The following KHDRBS3 variants were observed in gnomAD, a reference collection of about 807,000 sequenced individuals.
The protein encoded by KHDRBS3 is KH domain-containing, RNA-binding, signal transduction-associated protein 3.
KHDRBS3 carries 23 observed loss-of-function variants against 45.6 expected under a neutral mutation model. The observed-to-expected ratio is 0.50, with a 90% confidence interval of 0.36 to 0.72. The LOEUF is 0.72. Among genes scored for constraint, KHDRBS3 ranks in the 30% least tolerant of loss-of-function variants. The probability of loss-of-function intolerance (pLI) is 0.00; values close to 1 mark genes in which losing one functional copy is unlikely to be tolerated. For synonymous variants in KHDRBS3, 162 were observed against 156.5 expected (o/e 1.04, Z -0.26); for missense variants, 352 against 424.8 (o/e 0.83, Z 1.51).
At position 135,543,623 on chromosome 8, in the gene KHDRBS3, C is replaced by T. The variant is rs577733088; in HGVS notation, c.324+853C>T. ...TATTCAGCTGCTACTGTGAGTCAGG[C>T]GCTGTGTGAAACATGTTACATGCAT... On this transcript the variant is annotated intron_variant, in intron 3 of 8. Coordinates refer to ENST00000355849, the MANE Select transcript of KHDRBS3 (RefSeq NM_006558.3). 2.2e-4 allele frequency among the ~76,000 whole-genome samples: 34 copies of T among 152,170 alleles called. No homozygotes were observed. The South Asian group carries it at 6.4e-3, about 29-fold the overall frequency.
intron 1 of KHDRBS3, among the ~76,000 whole-genome samples, chr8:135,460,572 T>C (rs78582858): frequency 6.6e-6 from 1 of 152,212 alleles, no homozygotes; most frequent in Middle Eastern, 3.2e-3. Flanking sequence ...TACTTCTCAC[T>C]TGCTAACTTC....
chr8:135,552,431 G>T (rs1195120703), intron 4 of KHDRBS3, among the ~76,000 whole-genome samples: 2 of 152,088 alleles, frequency 1.3e-5, no homozygotes, highest in African/African-American at 4.8e-5. Context: ...TTGGCAATAC[G>T]CTTTTTAAAT....
intron 1 of KHDRBS3, among the ~76,000 whole-genome samples, chr8:135,490,547 G>A (rs1252992019): frequency 6.6e-6 from 1 of 152,166 alleles, no homozygotes; most frequent in African/African-American, 2.4e-5. Context: ...AGTGTGGACA[G>A]TTGGTTATCA....
At chr8:135,634,075 C>T (rs1830712382) in intron 7 of KHDRBS3, among the ~76,000 whole-genome samples, 2 of 152,178 alleles carry the variant, frequency 1.3e-5, no homozygotes, top group Non-Finnish European at 2.9e-5. Context: ...GACTCAGTTA[C>T]ATGTGTATAC....
At chr8:135,537,075 T>C (rs910725968) in intron 2 of KHDRBS3, among the ~76,000 whole-genome samples, 1 of 150,498 alleles carries the variant, frequency 6.6e-6, no homozygotes, top group Admixed American at 6.6e-5. Flanking sequence ...TCTCTATTCA[T>C]GTTGGAGAGA....
intron 7 of KHDRBS3, among the ~76,000 whole-genome samples, chr8:135,619,615 A>G (rs1010853781): frequency 3.9e-5 from 6 of 152,366 alleles, no homozygotes; most frequent in African/African-American, 1.2e-4. Flanking sequence ...AATGGAAAGC[A>G]TGTCATATAT....
At chr8:135,569,284 A>G (rs904414756) in intron 5 of KHDRBS3, among the ~76,000 whole-genome samples, 5 of 152,202 alleles carry the variant, frequency 3.3e-5, no homozygotes, top group Non-Finnish European at 5.9e-5. Flanking sequence ...TGAAATGAAG[A>G]TTTAGAATCA....
rs932857526 is a variant in KHDRBS3 at position 135,588,365 on chromosome 8, C to T, written c.807+6292C>T. Among the ~76,000 whole-genome samples, 7 of 152,234 alleles carry T rather than the reference C, an allele frequency of 4.6e-5. No individual in the cohort carries two copies. In the East Asian group the frequency reaches 1.2e-3, roughly 25 times the overall value. Reference sequence around the variant, plus strand: ...CACACCCTCTCCAGGCAGCCACCCTCGCGCGGCACCTCTGTGTCCTCACCC... The same window carrying T: ...CACACCCTCTCCAGGCAGCCACCCTTGCGCGGCACCTCTGTGTCCTCACCC... On this transcript the variant is annotated intron_variant, in intron 6 of 8. Transcript: ENST00000355849.
At chr8:135,574,842 T>C (rs1423183638) in intron 5 of KHDRBS3, among the ~76,000 whole-genome samples, 2 of 152,206 alleles carry the variant, frequency 1.3e-5, no homozygotes, top group Non-Finnish European at 2.9e-5. Flanking sequence ...AACTGTTGAT[T>C]TTTATTGAGT....
intron 4 of KHDRBS3, among the ~76,000 whole-genome samples, chr8:135,555,749 T>C (rs1341108751): frequency 6.6e-6 from 1 of 152,190 alleles, no homozygotes; most frequent in Non-Finnish European, 1.5e-5. Context: ...AAAATTTGTT[T>C]TTTATTATAC....
At chr8:135,458,113 C>A in intron 1 of KHDRBS3, 159 bp downstream of exon 1, 1 of 1,388,528 alleles carries the variant, frequency 7.2e-7, no homozygotes. Context: ...ACCTGGGAGG[C>A]TGTGGGACAC....
At position 135,581,984 on chromosome 8, in the gene KHDRBS3, G is replaced by T; in HGVS notation, c.718G>T (p.Gly240Ter). ...STRGPVSRGRGLLTPRARGVP... is the reference protein window; with the variant it reads ...STRGPVSRGR The stretch of plus-strand genomic sequence containing the variant: ...CCGAGGGCCAGTGAGTCGGGGAAGA[G>T]GACTTCTCACTCCCAGAGCAAGAGG... Residue 240 changes from glycine (G) to a stop codon, truncating the protein, a stop_gained, in exon 6 of 9, where the codon GGA becomes TGA. Transcript: ENST00000355849. LOFTEE classifies it high-confidence loss of function. 1 of 1,613,294 alleles carries T rather than the reference G, an allele frequency of 6.2e-7. No individual in the cohort carries two copies. Among genetic ancestry groups the T allele is most frequent in the Non-Finnish European group, 8.5e-7 (1 of 1,179,640 alleles).
chr8:135,643,566 A>G (rs773028991), intron 7 of KHDRBS3, among the ~76,000 whole-genome samples: 1 of 152,246 alleles, frequency 6.6e-6, no homozygotes, highest in South Asian at 2.1e-4. Flanking sequence ...TCATGCCCAC[A>G]TGTTTGAGAT....
intron 7 of KHDRBS3, among the ~76,000 whole-genome samples, chr8:135,641,671 G>A (rs1831063856): frequency 1.3e-5 from 2 of 152,196 alleles, no homozygotes; most frequent in Admixed American, 1.3e-4. Context: ...CCCTGATTTG[G>A]CAGATGAACA....
At chr8:135,574,036 G>T (rs1050988824) in intron 5 of KHDRBS3, among the ~76,000 whole-genome samples, 2 of 152,178 alleles carry the variant, frequency 1.3e-5, no homozygotes, top group Non-Finnish European at 2.9e-5. Context: ...CTCACTAATA[G>T]ATGCTTTTTC....
chr8:135,591,639 C>T (rs1188086688), intron 6 of KHDRBS3, among the ~76,000 whole-genome samples: 1 of 152,142 alleles, frequency 6.6e-6, no homozygotes, highest in Non-Finnish European at 1.5e-5. Context: ...ATAAACTCTT[C>T]TGAAATTTTG....
chr8:135,472,637 A>G (rs113723302), intron 1 of KHDRBS3, among the ~76,000 whole-genome samples: 20 of 152,352 alleles, frequency 1.3e-4, no homozygotes, highest in Middle Eastern at 3.4e-3. Flanking sequence ...TAAGGAGTGC[A>G]AATGTGTTTT....
Position 135,552,662 on chromosome 8 carries a change from T to C in KHDRBS3, c.471+3762T>C, listed in dbSNP as rs144642034. 2.0e-5 allele frequency among the ~76,000 whole-genome samples: 3 copies of C among 152,330 alleles called. No individual in the cohort carries two copies. In the East Asian group the frequency reaches 5.8e-4, roughly 29 times the overall value. Reference sequence around the variant, plus strand: ...TGAGGTGTTTTTTAATTTTTTTTATTTTTTTGTCTTCTATTTCTTTAATAA... The same window carrying C: ...TGAGGTGTTTTTTAATTTTTTTTATCTTTTTGTCTTCTATTTCTTTAATAA... On this transcript the variant is annotated intron_variant, in intron 4 of 8. Coordinates refer to ENST00000355849, the MANE Select transcript of KHDRBS3 (RefSeq NM_006558.3).
At chr8:135,555,732 CT>C (rs1483100435) in intron 4 of KHDRBS3, among the ~76,000 whole-genome samples, 1 of 152,010 alleles carries the variant, frequency 6.6e-6, no homozygotes, top group Non-Finnish European at 1.5e-5. Flanking sequence ...TTTTAAAGAT[CT>C]TTTTTAAAAT....
Sources: allele counts gnomAD v4.1 joint callset (sites outside exome capture counted in the v4.1 genomes callset), GRCh38; gene constraint gnomAD v4.1.1; transcripts MANE v1.5; gene names NCBI Gene and HGNC (gene_info 2026-07-23, HGNC 2026-07-21).